Variants in RPL13A observed in about 807,000 individuals in gnomAD.
The protein encoded by RPL13A is ribosomal protein L13a.
A neutral mutation model predicts 30.8 loss-of-function variants in RPL13A; 4 were observed. That is an observed-to-expected ratio of 0.13 (90% CI 0.06 to 0.30). The LOEUF (loss-of-function observed/expected upper bound fraction) is 0.30, where lower values mean the gene tolerates loss of function less well. RPL13A is among the 10% of genes least tolerant of loss of function. RPL13A has a pLI of 1.00. For synonymous variants in RPL13A, 108 were observed against 104.2 expected, an observed-to-expected ratio of 1.04 and a Z score of -0.22; for missense variants, 196 against 272.6, an observed-to-expected ratio of 0.72 and a Z score of 1.98.
At position 49,490,221 on chromosome 19, in the gene RPL13A, C is replaced by T; in HGVS notation, c.89-11C>T. 6.2e-7 allele frequency: 1 copy of T among 1,613,920 alleles called. No individual in the cohort carries two copies. The highest frequency in any genetic ancestry group is 8.5e-7 in the Non-Finnish European group (1 of 1,179,986). The stretch of plus-strand genomic sequence containing the variant: ...GCGGCTCGGCCCTGCTAAGCCTTTC[C>T]CTCCCTCTAGGCCGGAAGGTGGTGG... On this transcript the variant is annotated splice_polypyrimidine_tract_variant and intron_variant, in intron 2 of 7. Coordinates refer to ENST00000391857, the MANE Select transcript of RPL13A (RefSeq NM_012423.4).
In RPL13A at chr19:49,491,407, C is replaced by CCT. The variant is rs2079868695; in HGVS notation, c.403-17_403-16insTC. 11 of 307,158 alleles carry CCT rather than the reference C, an allele frequency of 3.6e-5. No individual in the cohort carries two copies. The highest frequency in any genetic ancestry group is 1.9e-4 in the South Asian group (7 of 37,510). 19.0% of individuals were successfully genotyped at this position (307,158 alleles called of 1,614,324 possible). A position where few individuals can be genotyped will look rare whatever the true frequency, so the allele number is the denominator to read the frequency against. On this transcript the variant is annotated splice_polypyrimidine_tract_variant and intron_variant, in intron 6 of 7. Coordinates refer to ENST00000391857, the MANE Select transcript of RPL13A (RefSeq NM_012423.4). ...CCTTACAACTTCATTTGTTCACCCCCCCCCCCCCCCCCCGCAGTTTGCCTA... is the reference window on the plus strand; with the variant it reads ...CCTTACAACTTCATTTGTTCACCCCCCTCCCCCCCCCCCCCGCAGTTTGCCTA...
Position 49,491,413 on chromosome 19 carries a change from C to A in RPL13A, c.403-12C>A, listed in dbSNP as rs754266613. ...AACTTCATTTGTTCACCCCCCCCCC[C>A]CCCCCCCGCAGTTTGCCTATCTGGG... On this transcript the variant is annotated splice_polypyrimidine_tract_variant and intron_variant, in intron 6 of 7. Transcript: ENST00000391857. 1.3e-5 allele frequency: 11 copies of A among 874,768 alleles called. 1 individual carries two copies. The highest frequency in any genetic ancestry group is 3.3e-5 in the South Asian group (2 of 60,554). 54.2% of individuals were successfully genotyped at this position (874,768 alleles called of 1,614,324 possible). A position where few individuals can be genotyped will look rare whatever the true frequency, so the allele number is the denominator to read the frequency against.
intron 5 of RPL13A, 29 bp from the exon 6 acceptor site, chr19:49,491,011 G>C: frequency 6.2e-7 from 1 of 1,614,058 alleles, no homozygotes; most frequent in African/African-American, 1.3e-5. Context: ...TCCCTCCCGG[G>C]CTCTTAAGCC....
rs1568688774 is a variant in RPL13A at position 49,491,412 on chromosome 19, C to CA, written c.403-13_403-12insA. 1 of 800,994 alleles carries CA rather than the reference C, an allele frequency of 1.2e-6. No homozygotes were observed. Among genetic ancestry groups the CA allele is most frequent in the Non-Finnish European group, 1.8e-6 (1 of 547,790 alleles). The allele number at this position is 800,994 out of a possible 1,614,324, so 49.6% of individuals were successfully genotyped here. On this transcript the variant is annotated splice_polypyrimidine_tract_variant and intron_variant, in intron 6 of 7. Transcript: ENST00000391857. ...CAACTTCATTTGTTCACCCCCCCCC[C>CA]CCCCCCCCGCAGTTTGCCTATCTGG...
intron 1 of RPL13A, 99 bp from the exon 2 acceptor site, chr19:49,489,751 C>T (rs2079845490): frequency 8.3e-6 from 8 of 966,978 alleles, no homozygotes; most frequent in Middle Eastern, 2.8e-4. Context: ...GTGCAAGGCA[C>T]GCTGTTGGCA....
At chr19:49,490,673 T>A (rs200164372) in intron 4 of RPL13A, 97 bp downstream of exon 4, 242 of 1,564,794 alleles carry the variant, frequency 1.5e-4, no homozygotes, top group Non-Finnish European at 2.1e-4. Context: ...ATGAGATGAC[T>A]CCACATGCAC....
In RPL13A at chr19:49,489,873, C is replaced by T; in HGVS notation, c.39C>T (p.Gly13=). 2 of 1,614,108 alleles carry T rather than the reference C, an allele frequency of 1.2e-6. No homozygotes were observed. The highest frequency in any genetic ancestry group is 1.7e-6 in the Non-Finnish European group (2 of 1,179,912). ...AGGTCCTGGTGCTTGATGGTCGAGG[C>T]CATCTCCTGGGCCGCCTGGCGGCCA... The part of the protein sequence containing the change: ...EVQVLVLDGR[G]HLLGRLAAIV... The change falls in exon 2 of 8, where the codon GGC becomes GGT. Residue 13 remains glycine (G), a synonymous_variant. Coordinates refer to ENST00000391857, the MANE Select transcript of RPL13A (RefSeq NM_012423.4).
At position 49,489,940 on chromosome 19, in the gene RPL13A, G is replaced by A; in HGVS notation, c.88+18G>A. 1 of 1,605,298 alleles carries A rather than the reference G, an allele frequency of 6.2e-7. No homozygotes were observed. ...ACTGCTGGGTAAGTCGCTGCTCGTG[G>A]CCCCTCTGTCATGGGCCCCCGCTGG... On this transcript the variant is annotated intron_variant, in intron 2 of 7. Coordinates refer to ENST00000391857, the MANE Select transcript of RPL13A (RefSeq NM_012423.4).
At position 49,490,464 on chromosome 19, in the gene RPL13A, CCT is replaced by C. The variant is rs2079854232; in HGVS notation, c.155-7_155-6del. On this transcript the variant is annotated splice_polypyrimidine_tract_variant and intron_variant, in intron 3 of 7. Transcript: ENST00000391857. ...AGACTGGGCAGGCCTCACACTCTCC[CCT>C]CTCCCTAGTGAAGTACCTGGCTTTC... The C allele has an allele frequency of 2.5e-6, 4 of 1,613,412 alleles. No homozygotes were observed. The highest frequency in any genetic ancestry group is 3.4e-6 in the Non-Finnish European group (4 of 1,179,502).
At chr19:49,489,760 C>A in intron 1 of RPL13A, 90 bp from the exon 2 acceptor site, 2 of 1,067,988 alleles carry the variant, frequency 1.9e-6, no homozygotes, top group Non-Finnish European at 2.9e-6. Context: ...ACGCTGTTGG[C>A]ACGGTAGGAC....
At position 49,491,432 on chromosome 19, in the gene RPL13A, A is replaced by G. The variant is rs764054618; in HGVS notation, c.410A>G (p.Tyr137Cys). Residue 137 changes from tyrosine (Y) to cysteine (C), a missense_variant, in exon 7 of 8, where the codon TAT becomes TGT. Transcript: ENST00000391857. The stretch of plus-strand genomic sequence containing the variant: ...CCCCCCCCCCCCCCGCAGTTTGCCT[A>G]TCTGGGGCGCCTGGCTCACGAGGTT... ...VRLKPTRKFA[Y>C]LGRLAHEVGW... 9.0e-5 allele frequency: 53 copies of G among 591,032 alleles called. No homozygotes were observed. The African/African-American group carries it at 9.8e-4, about 11-fold the overall frequency. 36.6% of individuals were successfully genotyped at this position (591,032 alleles called of 1,614,324 possible).
At position 49,491,704 on chromosome 19, in the gene RPL13A, C is replaced by T. The variant is rs199907618; in HGVS notation, c.526-25C>T. 1.4e-5 allele frequency: 23 copies of T among 1,609,010 alleles called. No individual in the cohort carries two copies. The African/African-American group carries it at 2.4e-4, about 17-fold the overall frequency. ...GGGCAATGCAACCCCTCCTGACCAC[C>T]ACCACCTGCACTTATTCTTGGCAGA... On this transcript the variant is annotated intron_variant, in intron 7 of 7. Coordinates refer to ENST00000391857, the MANE Select transcript of RPL13A (RefSeq NM_012423.4).
In RPL13A at chr19:49,489,934, C is replaced by T. The variant is rs761908160; in HGVS notation, c.88+12C>T. On this transcript the variant is annotated intron_variant, in intron 2 of 7. Coordinates refer to ENST00000391857, the MANE Select transcript of RPL13A (RefSeq NM_012423.4). The stretch of plus-strand genomic sequence containing the variant: ...ACAGGTACTGCTGGGTAAGTCGCTG[C>T]TCGTGGCCCCTCTGTCATGGGCCCC... The T allele has an allele frequency of 1.2e-6, 2 of 1,608,210 alleles. No individual in the cohort carries two copies. Among genetic ancestry groups the T allele is most frequent in the South Asian group, 2.2e-5 (2 of 90,988 alleles).
In RPL13A at chr19:49,491,807, C is replaced by A; in HGVS notation, c.604C>A (p.Leu202Met). The A allele has an allele frequency of 2.5e-6, 4 of 1,605,410 alleles. No homozygotes were observed. The highest frequency in any genetic ancestry group is 3.4e-6 in the Non-Finnish European group (4 of 1,175,496). Reference sequence around the variant, plus strand: ...AGAGGTCCTCAAGACCCACGGACTCCTGGTCTGAGCCCAATAAAGACTGTT... The same window carrying A: ...AGAGGTCCTCAAGACCCACGGACTCATGGTCTGAGCCCAATAAAGACTGTT... ...YTEVLKTHGL[L>M]V Residue 202 changes from leucine (L) to methionine (M), a missense_variant, in exon 8 of 8, where the codon CTG (leucine) becomes ATG (methionine). By Grantham distance (15) the Leu-to-Met change is conservative. Transcript: ENST00000391857.
chr19:49,490,076 C>A, intron 2 of RPL13A, 154 bp downstream of exon 2: 1 of 1,024,080 alleles, frequency 9.8e-7, no homozygotes, highest in Non-Finnish European at 1.5e-6. Context: ...GGGTTGGGGA[C>A]TCCAGGCTCA....
intron 4 of RPL13A, 90 bp downstream of exon 4, chr19:49,490,666 A>G: frequency 6.4e-7 from 1 of 1,569,808 alleles, no homozygotes; most frequent in Non-Finnish European, 8.8e-7. Context: ...CCCGACCATG[A>G]GATGACTCCA....
chr19:49,489,496 T>C (rs1001944060), intron 1 of RPL13A, among the ~76,000 whole-genome samples: 3 of 152,162 alleles, frequency 2.0e-5, no homozygotes, highest in Non-Finnish European at 4.4e-5. Flanking sequence ...TCCTACAGTT[T>C]ATTAGTTACA....
At chr19:49,488,458 A>G (rs754118357) in intron 1 of RPL13A, among the ~76,000 whole-genome samples, 2 of 152,250 alleles carry the variant, frequency 1.3e-5, no homozygotes, top group Non-Finnish European at 2.9e-5. Context: ...GTGTTCACCA[A>G]GCATGTGTCT....
At position 49,491,062 on chromosome 19, in the gene RPL13A, C is replaced by T. The variant is rs200919567; in HGVS notation, c.365C>T (p.Ala122Val). ...YDKKKRMVVP[A>V]ALKVVRLKPT... The stretch of plus-strand genomic sequence containing the variant: ...CAGAAAAAGCGGATGGTGGTTCCTG[C>T]TGCCCTCAAGGTCGTGCGTCTGAAG... The change falls in exon 6 of 8, where the codon GCT (alanine) becomes GTT (valine). Residue 122 changes from alanine (A) to valine (V), a missense_variant. Coordinates refer to ENST00000391857, the MANE Select transcript of RPL13A (RefSeq NM_012423.4). The T allele has an allele frequency of 2.5e-4, 401 of 1,614,256 alleles. 1 individual carries two copies. Among genetic ancestry groups the T allele is most frequent in the Non-Finnish European group, 2.7e-4 (319 of 1,180,050 alleles).
Sources: gnomAD v4.1 joint callset for allele counts (sites outside exome capture counted in the v4.1 genomes callset) on GRCh38, gnomAD v4.1.1 for gene constraint, MANE v1.5 for transcripts, NCBI Gene and HGNC (gene_info 2026-07-23, HGNC 2026-07-21) for gene names.